PGM5: variants seen among roughly 807,000 people sequenced by gnomAD.
PGM5 encodes phosphoglucomutase-like protein 5.
A neutral mutation model predicts 59.2 loss-of-function variants in PGM5; 23 were observed. The observed-to-expected ratio is 0.39, with a 90% CI of 0.28 to 0.55. The LOEUF (loss-of-function observed/expected upper bound fraction) is 0.55, where lower values mean the gene tolerates loss of function less well. Ranked by LOEUF, PGM5 falls within the 20% of genes least tolerant of loss-of-function variation. PGM5 has a pLI of 0.66. For synonymous variants in PGM5, 214 were observed against 286.0 expected, an observed-to-expected ratio of 0.75 and a Z score of 2.54; for missense variants, 574 against 748.3, an observed-to-expected ratio of 0.77 and a Z score of 2.72.
rs1038103181 is a variant in PGM5 at position 68,530,209 on chromosome 9, C to G, written c.*553C>G. On this transcript the variant is annotated 3_prime_UTR_variant, in exon 11 of 11. Transcript: ENST00000396396. ...CACCCGATGGCCCTGCCTCCCCCAT[C>G]CCATCCCCAACATCCCTGTACCACC... The G allele has an allele frequency of 6.5e-6, 1 of 152,842 alleles. No individual in the cohort carries two copies. The highest frequency in any genetic ancestry group is 6.5e-5 in the Admixed American group (1 of 15,308). 9.5% of individuals were successfully genotyped at this position (152,842 alleles called of 1,614,324 possible).
intron 6 of PGM5, among the ~76,000 whole-genome samples, chr9:68,392,990 T>C (rs1159274954): frequency 6.6e-6 from 1 of 152,154 alleles, no homozygotes; most frequent in Non-Finnish European, 1.5e-5. Context: ...AGGTTTATTG[T>C]AAGAATGAAA....
chr9:68,376,523 GTT>G (rs1554677680), intron 1 of PGM5, among the ~76,000 whole-genome samples: 1 of 131,548 alleles, frequency 7.6e-6, no homozygotes, highest in African/African-American at 2.8e-5. Context: ...GTGTGTGTGT[GTT>G]TTGATCTCTT....
intron 6 of PGM5, among the ~76,000 whole-genome samples, chr9:68,433,584 G>A (rs1283675734): frequency 6.6e-6 from 1 of 152,114 alleles, no homozygotes; most frequent in Non-Finnish European, 1.5e-5. Flanking sequence ...GCCAGATTTT[G>A]TTTTATTTTG....
At chr9:68,389,318 T>C (rs1439426228) in intron 4 of PGM5, among the ~76,000 whole-genome samples, 3 of 152,100 alleles carry the variant, frequency 2.0e-5, no homozygotes, top group Admixed American at 6.6e-5. Context: ...GACCAACATA[T>C]ACAGTCATGT....
At chr9:68,411,350 T>C (rs1822925887) in intron 6 of PGM5, among the ~76,000 whole-genome samples, 1 of 150,532 alleles carries the variant, frequency 6.6e-6, no homozygotes, top group East Asian at 2.0e-4. Flanking sequence ...CATAGAGACA[T>C]ACAGCGACCC....
intron 6 of PGM5, among the ~76,000 whole-genome samples, chr9:68,428,087 G>C (rs1554682803): frequency 1.3e-5 from 2 of 152,186 alleles, no homozygotes; most frequent in African/African-American, 4.8e-5. Flanking sequence ...GCTATCCATT[G>C]TGGTACAACC....
chr9:68,436,624 T>C (rs532303503), intron 6 of PGM5, among the ~76,000 whole-genome samples: 1 of 152,356 alleles, frequency 6.6e-6, no homozygotes, highest in African/African-American at 2.4e-5. Flanking sequence ...GGCCTCATGA[T>C]TGAAATTTCT....
intron 8 of PGM5, among the ~76,000 whole-genome samples, chr9:68,481,539 T>C (rs1198379332): frequency 5.9e-5 from 9 of 152,244 alleles, no homozygotes; most frequent in African/African-American, 1.9e-4. Context: ...ATATTATGAT[T>C]GACAACCTCT....
At chr9:68,390,867 T>C (rs868918042) in intron 4 of PGM5, among the ~76,000 whole-genome samples, 2 of 152,156 alleles carry the variant, frequency 1.3e-5, no homozygotes, top group Non-Finnish European at 2.9e-5. Context: ...TTCATCAATG[T>C]GCATTGTTTA....
chr9:68,529,715 G>A lies in PGM5; in HGVS notation c.*59G>A. On this transcript the variant is annotated 3_prime_UTR_variant, in exon 11 of 11. Coordinates refer to ENST00000396396, the MANE Select transcript of PGM5 (RefSeq NM_021965.4). Reference sequence around the variant, plus strand: ...AGTGCTCAGCGGGAGATGCTTCACTGATGCCTTCTTGCTACCTGTTTGTGC... The same window carrying A: ...AGTGCTCAGCGGGAGATGCTTCACTAATGCCTTCTTGCTACCTGTTTGTGC... 1 of 1,002,812 alleles carries A rather than the reference G, an allele frequency of 1.0e-6. No individual in the cohort carries two copies. The highest frequency in any genetic ancestry group is 1.7e-5 in the African/African-American group (1 of 59,270). The allele number at this position is 1,002,812 out of a possible 1,614,324, so 62.1% of individuals were successfully genotyped here.
chr9:68,380,569 G>A (rs1392984877), intron 2 of PGM5, among the ~76,000 whole-genome samples: 1 of 151,704 alleles, frequency 6.6e-6, no homozygotes, highest in African/African-American at 2.4e-5. Context: ...CCCAAAGTGA[G>A]CAAAAGGAAG....
Position 68,448,321 on chromosome 9 carries a change from C to T in PGM5, c.1044-16772C>T, listed in dbSNP as rs143836974. On this transcript the variant is annotated intron_variant, in intron 6 of 10. Transcript: ENST00000396396. ...GCTCTTCCCAGGGCACCCAGGTAGC[C>T]GAGTCACCCAGGGAGGGGTTGTTTG... is the stretch of plus-strand genomic sequence containing the variant. Among the ~76,000 whole-genome samples, 1,062 of 152,240 alleles carry T rather than the reference C, an allele frequency of 7.0e-3. 6 individuals carry two copies. The highest frequency in any genetic ancestry group is 0.024 in the Middle Eastern group (7 of 294).
chr9:68,524,539 A>C (rs1824944264), intron 10 of PGM5, among the ~76,000 whole-genome samples: 1 of 152,208 alleles, frequency 6.6e-6, no homozygotes, highest in Admixed American at 6.5e-5. Context: ...GTCTCCATTA[A>C]TTTATTTCCT....
intron 10 of PGM5, among the ~76,000 whole-genome samples, chr9:68,527,961 G>C (rs768455434): frequency 1.3e-5 from 2 of 152,146 alleles, no homozygotes; most frequent in Non-Finnish European, 2.9e-5. Context: ...GGATTCTTCT[G>C]TATCTACATG....
chr9:68,468,585 GGATGGTGTGT>G (rs1554686038), intron 7 of PGM5, among the ~76,000 whole-genome samples: 1 of 152,098 alleles, frequency 6.6e-6, no homozygotes, highest in Non-Finnish European at 1.5e-5. Context: ...GCATTGTGTT[GGATGGTGTGT>G]AGAATACAAA....
At chr9:68,484,450 G>A (rs1169143955) in intron 9 of PGM5, among the ~76,000 whole-genome samples, 1 of 151,452 alleles carries the variant, frequency 6.6e-6, no homozygotes, top group Non-Finnish European at 1.5e-5. Context: ...TAAGGTGGGA[G>A]GATCGCTTGA....
At chr9:68,466,848 G>A (rs1823942641) in intron 7 of PGM5, among the ~76,000 whole-genome samples, 1 of 152,054 alleles carries the variant, frequency 6.6e-6, no homozygotes, top group African/African-American at 2.4e-5. Context: ...CTATCTCCAG[G>A]GTCTTAAACT....
At chr9:68,438,282 CTG>C (rs1823471331) in intron 6 of PGM5, among the ~76,000 whole-genome samples, 1 of 96,936 alleles carries the variant, frequency 1.0e-5, no homozygotes, top group Admixed American at 1.4e-4. Context: ...GAGGGAGACT[CTG>C]TCAAAAAAAA....
intron 9 of PGM5, among the ~76,000 whole-genome samples, chr9:68,488,433 C>G (rs1554687692): frequency 2.6e-5 from 4 of 152,224 alleles, no homozygotes. Context: ...AAATCCTGTT[C>G]TGGTGATAAC....
Sources: allele counts gnomAD v4.1 joint callset (sites outside exome capture counted in the v4.1 genomes callset), GRCh38; gene constraint gnomAD v4.1.1; transcripts MANE v1.5; gene names NCBI Gene and HGNC (gene_info 2026-07-23, HGNC 2026-07-21).